EP300: variants seen among roughly 807,000 people sequenced by gnomAD.
EP300 encodes histone acetyltransferase p300.
In EP300, 31 loss-of-function variants were observed where a neutral mutation model predicts 264.0. The ratio of observed to expected loss-of-function variants is 0.12; its 90% CI spans 0.09 to 0.16. The LOEUF is 0.16. Among genes scored for constraint, EP300 ranks in the 10% least tolerant of loss-of-function variants. The pLI, the probability that EP300 is intolerant of heterozygous loss-of-function variation, is 1.00. For synonymous variants in EP300, 1,340 were observed against 1,045.4 expected (o/e 1.28, Z -5.44); for missense variants, 2,766 against 3,052.9 (o/e 0.91, Z 2.21).
intron 2 of EP300, among the ~76,000 whole-genome samples, chr22:41,119,437 AAGAG>A (rs1026672175): frequency 6.6e-6 from 1 of 152,152 alleles, no homozygotes; most frequent in East Asian, 1.9e-4. Context: ...CATAGCTATG[AAGAG>A]AGAAAGTCCT....
At chr22:41,155,147 T>C in intron 17 of EP300, 34 bp downstream of exon 17, 1 of 1,416,482 alleles carries the variant, frequency 7.1e-7, no homozygotes, top group Non-Finnish European at 1.0e-6. Context: ...ATTTTATTTT[T>C]TAATTTGATA....
intron 8 of EP300, 99 bp downstream of exon 8, chr22:41,137,889 T>G (rs1000304391): frequency 3.3e-6 from 5 of 1,535,166 alleles, no homozygotes; most frequent in African/African-American, 1.4e-5. Flanking sequence ...TATTAGCAAT[T>G]TTTCTGTAGC....
At chr22:41,144,040 G>A (rs1242420401) in intron 10 of EP300, among the ~76,000 whole-genome samples, 16 of 152,286 alleles carry the variant, frequency 1.1e-4, no homozygotes, top group South Asian at 4.1e-4. Context: ...GGAGTTGAAG[G>A]TAGGTAACTC....
At chr22:41,175,645 T>C (rs892846734) in intron 29 of EP300, among the ~76,000 whole-genome samples, 25 of 152,334 alleles carry the variant, frequency 1.6e-4, no homozygotes, top group Non-Finnish European at 3.4e-4. Flanking sequence ...TTTCATACTG[T>C]CTCCATATTT....
At chr22:41,130,382 G>A (rs1284249907) in intron 5 of EP300, among the ~76,000 whole-genome samples, 1 of 152,030 alleles carries the variant, frequency 6.6e-6, no homozygotes, top group African/African-American at 2.4e-5. Context: ...GCAAGACCTT[G>A]TATCTTCCAA....
At position 41,127,681 on chromosome 22, in the gene EP300, C is replaced by T; in HGVS notation, c.1101C>T (p.Pro367=). The change falls in exon 4 of 31, where the codon CCC becomes CCT. Residue 367 remains proline, a synonymous_variant. Transcript: ENST00000263253. Reference sequence around the variant, plus strand: ...GGGAAGTGAGGCAGTGCAACCTTCCCCACTGTCGCACAATGAAGAATGTCC... The same window carrying T: ...GGGAAGTGAGGCAGTGCAACCTTCCTCACTGTCGCACAATGAAGAATGTCC... ...ANGEVRQCNL[P]HCRTMKNVLN... is the part of the protein sequence containing the mutation. The T allele has an allele frequency of 1.2e-6, 2 of 1,614,220 alleles. No homozygotes were observed. Among genetic ancestry groups the T allele is most frequent in the South Asian group, 1.1e-5 (1 of 91,080 alleles).
intron 1 of EP300, among the ~76,000 whole-genome samples, chr22:41,105,334 A>T (rs2058753018): frequency 6.7e-6 from 1 of 148,682 alleles, no homozygotes; most frequent in Admixed American, 6.8e-5. Flanking sequence ...CACCTGGGCC[A>T]CGAGAGTGAA....
intron 1 of EP300, among the ~76,000 whole-genome samples, chr22:41,105,564 A>G (rs369103521): frequency 1.3e-5 from 2 of 151,520 alleles, no homozygotes; most frequent in East Asian, 2.0e-4. Context: ...ACAGCCGGCT[A>G]ATTTTTGTAT....
chr22:41,159,946 T>G (rs9623338), intron 19 of EP300: 4,273 of 151,100 alleles, frequency 0.028, 191 homozygotes, highest in African/African-American at 0.1. Flanking sequence ...AGTGCTAGGA[T>G]TATAGGTATG....
intron 1 of EP300, among the ~76,000 whole-genome samples, chr22:41,113,910 C>T (rs1291566916): frequency 1.3e-5 from 2 of 152,062 alleles, no homozygotes; most frequent in African/African-American, 2.4e-5. Context: ...TACTCAATTT[C>T]CTTTGTGATT....
At chr22:41,122,039 T>G (rs1283328332) in intron 2 of EP300, among the ~76,000 whole-genome samples, 1 of 152,184 alleles carries the variant, frequency 6.6e-6, no homozygotes, top group Admixed American at 6.5e-5. Flanking sequence ...GCAGTCAGAT[T>G]TGTAACTACC....
rs753772401 is a variant in EP300 at position 41,131,644 on chromosome 22, G to A, written c.1528+11G>A. 1 of 1,614,050 alleles carries A rather than the reference G, an allele frequency of 6.2e-7. No individual in the cohort carries two copies. The highest frequency in any genetic ancestry group is 8.5e-7 in the Non-Finnish European group (1 of 1,180,044). On this transcript the variant is annotated intron_variant, in intron 6 of 30. Transcript: ENST00000263253. The stretch of plus-strand genomic sequence containing the variant: ...CCATGAGCAACATGAGTAAGTTTGT[G>A]TCATCCTAATAACATGGTATTGGTT...
intron 9 of EP300, 22 bp from the exon 10 acceptor site, chr22:41,141,025 AT>A: frequency 6.2e-7 from 1 of 1,611,526 alleles, no homozygotes; most frequent in South Asian, 1.1e-5. Flanking sequence ...CATCTCCCTT[AT>A]TTTACTTCAA....
Position 41,127,616 on chromosome 22 carries a change from T to C in EP300, c.1036T>C (p.Leu346=). 1 of 1,614,230 alleles carries C rather than the reference T, an allele frequency of 6.2e-7. No homozygotes were observed. Among genetic ancestry groups the C allele is most frequent in the Non-Finnish European group, 8.5e-7 (1 of 1,180,046 alleles). Residue 346 remains leucine, a synonymous_variant, in exon 4 of 31, where the codon TTG becomes CTG. Coordinates refer to ENST00000263253, the MANE Select transcript of EP300 (RefSeq NM_001429.4). The part of the protein sequence containing the change: ...KLIQQQLVLL[L]HAHKCQRREQ... ...CATCCAGCAGCAGCTTGTTCTCCTT[T>C]TGCATGCTCACAAGTGCCAGCGCCG...
intron 20 of EP300, among the ~76,000 whole-genome samples, chr22:41,162,348 G>C (rs1389276364): frequency 6.6e-6 from 1 of 152,152 alleles, no homozygotes; most frequent in Non-Finnish European, 1.5e-5. Flanking sequence ...TTGGAGAATG[G>C]TAAGACTGTT....
chr22:41,109,912 C>G (rs1428153031), intron 1 of EP300, among the ~76,000 whole-genome samples: 1 of 151,838 alleles, frequency 6.6e-6, no homozygotes, highest in East Asian at 1.9e-4. Flanking sequence ...CTCCCGGGCT[C>G]AAGCAATTCT....
At chr22:41,097,272 C>T (rs5758226) in intron 1 of EP300, among the ~76,000 whole-genome samples, 6,297 of 152,156 alleles carry the variant, frequency 0.041, 435 homozygotes, top group East Asian at 0.21. Flanking sequence ...ATCTTGAATG[C>T]GTTACAATAT....
At position 41,129,202 on chromosome 22, in the gene EP300, G is replaced by A. The variant is rs1004272588; in HGVS notation, c.1169-688G>A. 2.6e-5 allele frequency among the ~76,000 whole-genome samples: 4 copies of A among 151,722 alleles called. No individual in the cohort carries two copies. The East Asian group carries it at 7.8e-4, about 30-fold the overall frequency. On this transcript the variant is annotated intron_variant, in intron 4 of 30. Transcript: ENST00000263253. ...TTTTTTTTGTATTTTTGGTAGAGAC[G>A]GGGTTTCACTGTGTTAGCCAGGATG...
chr22:41,136,870 G>T (rs1007240068), intron 7 of EP300, among the ~76,000 whole-genome samples: 1 of 151,544 alleles, frequency 6.6e-6, no homozygotes, highest in Non-Finnish European at 1.5e-5. Flanking sequence ...GACCAGCCTG[G>T]GCAACATGGC....
Sources: gnomAD v4.1 joint callset for allele counts (sites outside exome capture counted in the v4.1 genomes callset) on GRCh38, gnomAD v4.1.1 for gene constraint, MANE v1.5 for transcripts, NCBI Gene and HGNC (gene_info 2026-07-23, HGNC 2026-07-21) for gene names.